Variants in ZNF492 observed in about 807,000 individuals in gnomAD.
ZNF492 encodes the protein zinc finger protein 115 (Y20).
In ZNF492, 3 loss-of-function variants were observed where a neutral mutation model predicts 6.4. The observed-to-expected ratio is 0.47, with a 90% CI of 0.21 to 1.22. ZNF492 has a LOEUF of 1.22. ZNF492 is among the 50% of genes most tolerant of loss of function. The probability of loss-of-function intolerance (pLI) is 0.22; values close to 1 mark genes in which losing one functional copy is unlikely to be tolerated. For missense variants in ZNF492, 356 were observed against 612.5 expected (o/e 0.58, Z 4.42); for synonymous variants, 112 against 205.3 (o/e 0.55, Z 3.89).
Position 22,665,391 on chromosome 19 carries a change from A to C in ZNF492, c.*126A>C. 2.0e-6 allele frequency: 3 copies of C among 1,466,046 alleles called. No homozygotes were observed. Among genetic ancestry groups the C allele is most frequent in the African/African-American group, 1.4e-5 (1 of 70,186 alleles). The allele number at this position is 1,466,046 out of a possible 1,614,324, so 90.8% of individuals were successfully genotyped here. On this transcript the variant is annotated 3_prime_UTR_variant, in exon 4 of 4. Coordinates refer to ENST00000456783, the MANE Select transcript of ZNF492 (RefSeq NM_020855.3). ...TGTGGCAAAACTTACACAATGCTCA[A>C]ACCTTATTGCACAGGAAAGCCTTTA... is the stretch of plus-strand genomic sequence containing the variant.
chr19:22,653,281 T>C, intron 1 of ZNF492, 26 bp from the exon 2 acceptor site: 3 of 1,607,654 alleles, frequency 1.9e-6, no homozygotes, highest in Non-Finnish European at 1.7e-6. Context: ...TTGGTAAATA[T>C]GTATGTGTGT....
rs368254591 is a variant in ZNF492 at position 22,667,647 on chromosome 19, G to A, written c.*2382G>A. On this transcript the variant is annotated 3_prime_UTR_variant, in exon 4 of 4. Transcript: ENST00000456783. ...TAAAATTTACACATTTCTGAGTCCTGAATAAATAAAAATAATTTCTTGTAT... is the reference window on the plus strand; with the variant it reads ...TAAAATTTACACATTTCTGAGTCCTAAATAAATAAAAATAATTTCTTGTAT... 2 of 151,760 alleles carry A rather than the reference G, an allele frequency of 1.3e-5. No individual in the cohort carries two copies. Among genetic ancestry groups the A allele is most frequent in the East Asian group, 3.9e-4 (2 of 5,184 alleles). 9.4% of individuals were successfully genotyped at this position (151,760 alleles called of 1,614,324 possible).
At chr19:22,660,994 G>C (rs1866458631) in intron 3 of ZNF492, among the ~76,000 whole-genome samples, 1 of 151,072 alleles carries the variant, frequency 6.6e-6, no homozygotes, top group Non-Finnish European at 1.5e-5. Context: ...TAATTCACTG[G>C]TAATATCATA....
intron 1 of ZNF492, among the ~76,000 whole-genome samples, chr19:22,650,687 G>A (rs2145252261): frequency 6.6e-6 from 1 of 152,262 alleles, no homozygotes; most frequent in African/African-American, 2.4e-5. Context: ...GCCTGAAGAG[G>A]AGCTGTAGCT....
chr19:22,634,476 T>C lies in ZNF492; in HGVS notation c.-94+2T>C, dbSNP rs796135727. On this transcript the variant is annotated splice_donor_variant, in intron 1 of 3. Transcript: ENST00000456783. LOFTEE classifies it low-confidence loss of function (5UTR_SPLICE). The stretch of plus-strand genomic sequence containing the variant: ...GGACCCCCTGGAAGCCTAGAAACGG[T>C]GAGAGTGCCGGGTCCGACATCCCGA... 7.5e-6 allele frequency: 8 copies of C among 1,065,126 alleles called. No individual in the cohort carries two copies. The highest frequency in any genetic ancestry group is 1.0e-5 in the Non-Finnish European group (8 of 783,982). 66.0% of individuals were successfully genotyped at this position (1,065,126 alleles called of 1,614,324 possible). A position where few individuals can be genotyped will look rare whatever the true frequency, so the allele number is the denominator to read the frequency against.
chr19:22,665,550 C>T lies in ZNF492; in HGVS notation c.*285C>T. The T allele has an allele frequency of 2.3e-6, 1 of 436,078 alleles. No homozygotes were observed. The highest frequency in any genetic ancestry group is 3.8e-6 in the Non-Finnish European group (1 of 263,222). 27.0% of individuals were successfully genotyped at this position (436,078 alleles called of 1,614,324 possible). Reference sequence around the variant, plus strand: ...CTGTCAAAAGAGTTCAAAAAATAAGCATTTAAAGTGCTGAAGAGGATTTAT... The same window carrying T: ...CTGTCAAAAGAGTTCAAAAAATAAGTATTTAAAGTGCTGAAGAGGATTTAT... On this transcript the variant is annotated 3_prime_UTR_variant, in exon 4 of 4. Transcript: ENST00000456783.
intron 1 of ZNF492, among the ~76,000 whole-genome samples, chr19:22,642,088 C>T (rs1261900327): frequency 2.6e-5 from 4 of 152,110 alleles, no homozygotes; most frequent in Non-Finnish European, 4.4e-5. Flanking sequence ...CCAGCGCGCC[C>T]GGCCACGCCC....
chr19:22,651,783 A>C (rs900915163), intron 1 of ZNF492, among the ~76,000 whole-genome samples: 11 of 152,110 alleles, frequency 7.2e-5, no homozygotes, highest in African/African-American at 2.4e-4. Context: ...CATTAGCTGT[A>C]AACAAATAAG....
chr19:22,647,445 A>G (rs1312026934), intron 1 of ZNF492, among the ~76,000 whole-genome samples: 2 of 150,326 alleles, frequency 1.3e-5, no homozygotes, highest in African/African-American at 4.9e-5. Context: ...AATTTTTATT[A>G]GAGATGGGGT....
chr19:22,638,221 T>G (rs899426770), intron 1 of ZNF492, among the ~76,000 whole-genome samples: 1 of 152,212 alleles, frequency 6.6e-6, no homozygotes, highest in African/African-American at 2.4e-5. Context: ...CTTAATTAGC[T>G]TCAATTTGTC....
chr19:22,642,499 G>C (rs35251707), intron 1 of ZNF492, among the ~76,000 whole-genome samples: 14 of 101,184 alleles, frequency 1.4e-4, no homozygotes, highest in East Asian at 2.8e-4. Flanking sequence ...ACGCCATTCT[G>C]CTGCCTCAGC....
At chr19:22,660,899 C>T (rs2915932) in intron 3 of ZNF492, among the ~76,000 whole-genome samples, 27,794 of 147,548 alleles carry the variant, frequency 0.19, 3,424 homozygotes, top group African/African-American at 0.36. Flanking sequence ...ATGGTATTAT[C>T]CTCAACTTGA....
intron 1 of ZNF492, among the ~76,000 whole-genome samples, chr19:22,635,550 C>T (rs942812199): frequency 1.1e-4 from 16 of 152,250 alleles, no homozygotes; most frequent in African/African-American, 3.1e-4. Flanking sequence ...AGGAATATCC[C>T]GATAGTGAAT....
intron 3 of ZNF492, among the ~76,000 whole-genome samples, chr19:22,656,375 T>C (rs2145257195): frequency 6.6e-6 from 1 of 151,648 alleles, no homozygotes; most frequent in East Asian, 2.0e-4. Context: ...CTAGGGCAGA[T>C]TTCTGCACTT....
At position 22,667,441 on chromosome 19, in the gene ZNF492, C is replaced by T. The variant is rs1458507433; in HGVS notation, c.*2176C>T. ...CATATAATATTTATGTTATATATGGCATATTCTGATAAGAGGCATACAATA... is the reference window on the plus strand; with the variant it reads ...CATATAATATTTATGTTATATATGGTATATTCTGATAAGAGGCATACAATA... On this transcript the variant is annotated 3_prime_UTR_variant, in exon 4 of 4. Transcript: ENST00000456783. 2.0e-5 allele frequency: 3 copies of T among 151,876 alleles called. 1 individual carries two copies. Among genetic ancestry groups the T allele is most frequent in the African/African-American group, 7.2e-5 (3 of 41,442 alleles). The allele number at this position is 151,876 out of a possible 1,614,324, so 9.4% of individuals were successfully genotyped here.
At chr19:22,641,428 T>C (rs1217428900) in intron 1 of ZNF492, among the ~76,000 whole-genome samples, 1 of 152,226 alleles carries the variant, frequency 6.6e-6, no homozygotes, top group African/African-American at 2.4e-5. Context: ...TTCTTTGTAT[T>C]GAATTACATT....
chr19:22,646,192 C>T (rs1971875779), intron 1 of ZNF492, among the ~76,000 whole-genome samples: 2 of 152,084 alleles, frequency 1.3e-5, no homozygotes, highest in Non-Finnish European at 2.9e-5. Context: ...GCTCTCTTAC[C>T]TCCTTGAGGA....
intron 1 of ZNF492, among the ~76,000 whole-genome samples, chr19:22,639,800 GA>G (rs1241410164): frequency 1.3e-5 from 2 of 149,664 alleles, no homozygotes; most frequent in Non-Finnish European, 3.0e-5. Context: ...TCTGTAAAAA[GA>G]AATAAGTTTG....
rs542938864 is a variant in ZNF492 at position 22,660,431 on chromosome 19, G to A, written c.131-3369G>A. On this transcript the variant is annotated intron_variant, in intron 3 of 3. Coordinates refer to ENST00000456783, the MANE Select transcript of ZNF492 (RefSeq NM_020855.3). ...TTTGTACAGATTTTTTTTTTTGGTG[G>A]CACCTTGGGGGTTGCATAAAACTTC... 1.2e-4 allele frequency among the ~76,000 whole-genome samples: 18 copies of A among 148,644 alleles called. No individual in the cohort carries two copies. The East Asian group carries it at 3.5e-3, about 29-fold the overall frequency.
Sources: gnomAD v4.1 joint callset for allele counts (sites outside exome capture counted in the v4.1 genomes callset) on GRCh38, gnomAD v4.1.1 for gene constraint, MANE v1.5 for transcripts, NCBI Gene and HGNC (gene_info 2026-07-23, HGNC 2026-07-21) for gene names.